The following SBF2 variants were observed in gnomAD, a reference collection of about 807,000 sequenced individuals.
SBF2 encodes SET binding factor 2, also known as myotubularin-related protein 13.
A neutral mutation model predicts 225.2 loss-of-function variants in SBF2; 112 were observed. The observed-to-expected ratio is 0.50, with a 90% CI of 0.43 to 0.58. SBF2 has a LOEUF of 0.58. Among genes scored for constraint, SBF2 ranks in the 20% least tolerant of loss-of-function variants. The pLI, the probability that SBF2 is intolerant of heterozygous loss-of-function variation, is 0.00. For synonymous variants in SBF2, 763 were observed against 773.3 expected (o/e 0.99, Z 0.22); for missense variants, 1,996 against 2,206.2 (o/e 0.90, Z 1.91).
chr11:9,847,419 T>A (rs1354118571), intron 22 of SBF2, among the ~76,000 whole-genome samples: 1 of 151,702 alleles, frequency 6.6e-6, no homozygotes, highest in Non-Finnish European at 1.5e-5. Context: ...GAAGAAACTG[T>A]CACAGCCTGA....
chr11:10,252,452 CCCATCGG>C (rs1960450588), intron 1 of SBF2, among the ~76,000 whole-genome samples: 1 of 152,232 alleles, frequency 6.6e-6, no homozygotes, highest in African/African-American at 2.4e-5. Flanking sequence ...CTTGGCCAAT[CCCATCGG>C]CCATACTTCA....
At chr11:9,905,716 T>C (rs966598301) in intron 16 of SBF2, among the ~76,000 whole-genome samples, 3 of 152,194 alleles carry the variant, frequency 2.0e-5, no homozygotes, top group African/African-American at 7.2e-5. Context: ...AAGTAATCTT[T>C]TGTTTTAAAT....
At chr11:9,908,309 G>C (rs545668182) in intron 16 of SBF2, among the ~76,000 whole-genome samples, 41 of 152,334 alleles carry the variant, frequency 2.7e-4, no homozygotes, top group Non-Finnish European at 5.7e-4. Flanking sequence ...CCTAACAGGA[G>C]TACTGGAAAT....
intron 2 of SBF2, among the ~76,000 whole-genome samples, chr11:10,111,372 A>C (rs1952832494): frequency 6.6e-6 from 1 of 152,186 alleles, no homozygotes; most frequent in Admixed American, 6.5e-5. Flanking sequence ...CGGCAAGAAT[A>C]TATGTTTTAG....
intron 10 of SBF2, 78 bp downstream of exon 10, chr11:9,993,843 C>T: frequency 7.1e-7 from 1 of 1,410,258 alleles, no homozygotes; most frequent in Non-Finnish European, 9.8e-7. Context: ...TCTAACTTCA[C>T]TTAGCTTCTT....
chr11:9,802,198 A>G (rs1192866500), intron 32 of SBF2, among the ~76,000 whole-genome samples: 1 of 152,186 alleles, frequency 6.6e-6, no homozygotes, highest in African/African-American at 2.4e-5. Flanking sequence ...ATCTTTGTAT[A>G]TTGGATTTTT....
intron 1 of SBF2, among the ~76,000 whole-genome samples, chr11:10,234,814 G>C (rs1467137866): frequency 6.6e-6 from 1 of 152,146 alleles, no homozygotes; most frequent in African/African-American, 2.4e-5. Flanking sequence ...AGAACAAAGG[G>C]AACAAGCTTA....
intron 16 of SBF2, among the ~76,000 whole-genome samples, chr11:9,906,440 C>T (rs1469359213): frequency 6.6e-6 from 1 of 152,152 alleles, no homozygotes; most frequent in Non-Finnish European, 1.5e-5. Flanking sequence ...AGGGAACAGG[C>T]AATCATAAAA....
chr11:10,157,106 T>A (rs1955511803), intron 2 of SBF2, among the ~76,000 whole-genome samples: 1 of 152,026 alleles, frequency 6.6e-6, no homozygotes, highest in African/African-American at 2.4e-5. Context: ...AACCCAGAAA[T>A]AAGACTGCAC....
chr11:10,168,447 A>G (rs1956060768), intron 2 of SBF2, among the ~76,000 whole-genome samples: 1 of 152,196 alleles, frequency 6.6e-6, no homozygotes, highest in South Asian at 2.1e-4. Context: ...CATGTTCAAG[A>G]ACCAATTCTT....
intron 2 of SBF2, among the ~76,000 whole-genome samples, chr11:10,183,850 G>C (rs554886501): frequency 1.3e-5 from 2 of 152,156 alleles, no homozygotes; most frequent in African/African-American, 4.8e-5. Flanking sequence ...ATGTGGGGAG[G>C]GAAGGAAAGG....
chr11:9,935,889 AG>A (rs1864861527), intron 16 of SBF2, among the ~76,000 whole-genome samples: 1 of 152,228 alleles, frequency 6.6e-6, no homozygotes. Context: ...TTCAGGACAC[AG>A]GCATTGGTAA....
chr11:10,048,857 CCATT>C (rs1210149662), intron 2 of SBF2, among the ~76,000 whole-genome samples: 1 of 152,104 alleles, frequency 6.6e-6, no homozygotes, highest in Non-Finnish European at 1.5e-5. Context: ...TGTGAAAGAT[CCATT>C]CAAAGTGCCC....
intron 16 of SBF2, among the ~76,000 whole-genome samples, chr11:9,939,635 A>T (rs1212277066): frequency 6.6e-6 from 1 of 152,210 alleles, no homozygotes; most frequent in Non-Finnish European, 1.5e-5. Context: ...CATTTACAAG[A>T]GCAACTGAAT....
chr11:10,070,625 T>C (rs1372929398), intron 2 of SBF2, among the ~76,000 whole-genome samples: 7 of 152,242 alleles, frequency 4.6e-5, no homozygotes, highest in Non-Finnish European at 8.8e-5. Flanking sequence ...TTGCTTAGAA[T>C]TGTCTTGGCA....
At chr11:9,920,421 T>C (rs954986346) in intron 16 of SBF2, among the ~76,000 whole-genome samples, 2 of 152,130 alleles carry the variant, frequency 1.3e-5, no homozygotes, top group Non-Finnish European at 2.9e-5. Flanking sequence ...AGACCTGATC[T>C]AGATATTCTA....
intron 1 of SBF2, among the ~76,000 whole-genome samples, chr11:10,279,648 GT>G (rs1963260113): frequency 6.6e-6 from 1 of 152,076 alleles, no homozygotes; most frequent in African/African-American, 2.4e-5. Context: ...TCAGTGATAT[GT>G]TTTTTTGTGT....
At chr11:9,946,702 G>A (rs550833347) in intron 16 of SBF2, among the ~76,000 whole-genome samples, 2 of 152,158 alleles carry the variant, frequency 1.3e-5, no homozygotes, top group Non-Finnish European at 2.9e-5. Flanking sequence ...CGCCCGCCTC[G>A]GCCTCCCAGA....
intron 2 of SBF2, among the ~76,000 whole-genome samples, chr11:10,192,682 CA>C (rs1957220475): frequency 6.6e-6 from 1 of 152,030 alleles, no homozygotes; most frequent in South Asian, 2.1e-4. Context: ...TCTGCTGGCT[CA>C]AAGTAGTTGA....
Sources: allele counts gnomAD v4.1 joint callset (sites outside exome capture counted in the v4.1 genomes callset), GRCh38; gene constraint gnomAD v4.1.1; transcripts MANE v1.5; gene names NCBI Gene and HGNC (gene_info 2026-07-23, HGNC 2026-07-21).